The following PTPRZ1 variants were observed in gnomAD, a reference collection of about 807,000 sequenced individuals.
The protein encoded by PTPRZ1 is receptor-type tyrosine-protein phosphatase zeta.
A neutral mutation model predicts 214.1 loss-of-function variants in PTPRZ1; 82 were observed. That is an observed-to-expected ratio of 0.38 (90% CI 0.32 to 0.46). The LOEUF is 0.46. Among genes scored for constraint, PTPRZ1 ranks in the 20% least tolerant of loss-of-function variants. The probability of loss-of-function intolerance (pLI) is 1.00; values close to 1 mark genes in which losing one functional copy is unlikely to be tolerated. For synonymous variants in PTPRZ1, 945 were observed against 987.9 expected (o/e 0.96, Z 0.81); for missense variants, 2,603 against 2,748.7 (o/e 0.95, Z 1.19).
chr7:121,881,385 A>T (rs543975268), intron 1 of PTPRZ1, among the ~76,000 whole-genome samples: 1 of 152,340 alleles, frequency 6.6e-6, no homozygotes, highest in South Asian at 2.1e-4. Context: ...AGACTTTTAA[A>T]TCATACTGAT....
chr7:121,993,336 G>C (rs1166999211), intron 8 of PTPRZ1, among the ~76,000 whole-genome samples: 1 of 151,750 alleles, frequency 6.6e-6, no homozygotes, highest in African/African-American at 2.4e-5. Flanking sequence ...AGGATCACGA[G>C]GTCAGGAGAT....
At chr7:121,918,061 A>G (rs896095037) in intron 1 of PTPRZ1, among the ~76,000 whole-genome samples, 1 of 152,090 alleles carries the variant, frequency 6.6e-6, no homozygotes, top group African/African-American at 2.4e-5. Flanking sequence ...AAAAAAAAAA[A>G]GGAATTCATG....
chr7:121,934,869 G>A (rs4727937), intron 2 of PTPRZ1, among the ~76,000 whole-genome samples: 29,603 of 152,076 alleles, frequency 0.19, 3,057 homozygotes, highest in Admixed American at 0.24. Flanking sequence ...GCCTCGTTGT[G>A]GAGGCTGAAC....
chr7:121,916,429 G>A (rs1006384499), intron 1 of PTPRZ1, among the ~76,000 whole-genome samples: 1 of 152,164 alleles, frequency 6.6e-6, no homozygotes, highest in African/African-American at 2.4e-5. Context: ...ACATTAACTT[G>A]TTCAGTCTCT....
chr7:121,947,010 TA>T (rs1311414299), intron 2 of PTPRZ1, among the ~76,000 whole-genome samples: 3 of 152,158 alleles, frequency 2.0e-5, no homozygotes, highest in Admixed American at 2.0e-4. Flanking sequence ...AATGGAAACT[TA>T]TTCCCTAAAG....
chr7:122,010,863 G>T lies in PTPRZ1; in HGVS notation c.1817G>T (p.Gly606Val). ...IPFISENISQ[G>V]YIFSSENPET... Reference sequence around the variant, plus strand: ...TTCATCTCTGAGAACATATCCCAAGGGTATATATTTTCCTCCGAAAACCCA... The same window carrying T: ...TTCATCTCTGAGAACATATCCCAAGTGTATATATTTTCCTCCGAAAACCCA... Residue 606 changes from glycine to valine, a missense_variant, in exon 12 of 30, where the codon GGG becomes GTG. Gly to Val is a moderately radical substitution (Grantham distance 109). Around this residue, in one of 6 missense-constraint regions of PTPRZ1, gnomAD observed 1,913 missense variants for 1,914.3 expected, o/e 1.00. Transcript: ENST00000393386. The T allele has an allele frequency of 1.2e-6, 2 of 1,613,836 alleles. No individual in the cohort carries two copies. The highest frequency in any genetic ancestry group is 1.7e-6 in the Non-Finnish European group (2 of 1,179,954).
intron 6 of PTPRZ1, among the ~76,000 whole-genome samples, chr7:121,979,767 T>C (rs1797546912): frequency 6.6e-6 from 1 of 152,214 alleles, no homozygotes; most frequent in Admixed American, 6.5e-5. Context: ...TTCTCTCTTG[T>C]GTTAACAATA....
intron 2 of PTPRZ1, among the ~76,000 whole-genome samples, chr7:121,935,539 GT>G (rs67756016): frequency 7.6e-5 from 9 of 118,622 alleles, no homozygotes; most frequent in Middle Eastern, 3.9e-3. Flanking sequence ...GTTTTTTGGG[GT>G]TTTTTTTGTT....
rs147762028 is a variant in PTPRZ1, at chr7:122,031,482, G to A, written c.5089G>A (p.Gly1697Arg). ...TTTTTTTATTCACGTAGATGATGTCGGAGCAATTCCAATAAAGCACTTTCC... is the reference window on the plus strand; with the variant it reads ...TTTTTTTATTCACGTAGATGATGTCAGAGCAATTCCAATAAAGCACTTTCC... Reference protein sequence around the residue: ...TPIFPISDDVGAIPIKHFPKH... With the variant: ...TPIFPISDDVRAIPIKHFPKH... Residue 1697 changes from glycine to arginine, a missense_variant, in exon 15 of 30, where the codon GGA (glycine) becomes AGA (arginine). Physicochemically the swap from Gly to Arg is moderately radical, Grantham distance 125. Around this residue, in one of 6 missense-constraint regions of PTPRZ1, gnomAD observed 1,913 missense variants for 1,914.3 expected, o/e 1.00. Coordinates refer to ENST00000393386, the MANE Select transcript of PTPRZ1 (RefSeq NM_002851.3). 132 of 1,610,006 alleles carry A rather than the reference G, an allele frequency of 8.2e-5. 1 individual carries two copies. The highest frequency in any genetic ancestry group is 5.1e-4 in the East Asian group (23 of 44,668).
chr7:121,924,456 G>A (rs1221490076), intron 1 of PTPRZ1, among the ~76,000 whole-genome samples: 10 of 151,994 alleles, frequency 6.6e-5, no homozygotes, highest in Non-Finnish European at 1.2e-4. Context: ...AATGTGTAAC[G>A]GATTGTTTGA....
At chr7:121,875,531 G>A (rs946021175) in intron 1 of PTPRZ1, among the ~76,000 whole-genome samples, 1 of 152,198 alleles carries the variant, frequency 6.6e-6, no homozygotes, top group Admixed American at 6.5e-5. Flanking sequence ...TAAGTCTTTG[G>A]TGATGTAAAA....
chr7:121,984,534 A>G (rs1263185705), intron 8 of PTPRZ1, among the ~76,000 whole-genome samples: 1 of 152,094 alleles, frequency 6.6e-6, no homozygotes, highest in Non-Finnish European at 1.5e-5. Flanking sequence ...TAATAAGGAA[A>G]ACTTTATGGG....
intron 2 of PTPRZ1, among the ~76,000 whole-genome samples, chr7:121,958,586 C>T (rs1202391513): frequency 1.3e-5 from 2 of 152,286 alleles, no homozygotes; most frequent in East Asian, 3.9e-4. Context: ...ACCAGTGCCT[C>T]CCAGACCCAT....
At chr7:122,037,583 C>T (rs1298677731) in intron 18 of PTPRZ1, among the ~76,000 whole-genome samples, 1 of 152,170 alleles carries the variant, frequency 6.6e-6, no homozygotes, top group Non-Finnish European at 1.5e-5. Flanking sequence ...ACCTCTCAGT[C>T]TAGCTGGCTT....
rs147239889 is a variant in PTPRZ1 at position 122,043,736 on chromosome 7, C to T, written c.5938-686C>T. On this transcript the variant is annotated intron_variant, in intron 22 of 29. Transcript: ENST00000393386. ...CACATGGAGACATAGAGGGGAACAACACACACTGGGGCCTTTCAGAGGGTG... is the reference window on the plus strand; with the variant it reads ...CACATGGAGACATAGAGGGGAACAATACACACTGGGGCCTTTCAGAGGGTG... Among the ~76,000 whole-genome samples, 108 of 152,202 alleles carry T rather than the reference C, an allele frequency of 7.1e-4. 1 individual carries two copies. The East Asian group carries it at 0.019, about 27-fold the overall frequency.
chr7:121,898,935 G>A (rs1456824480), intron 1 of PTPRZ1, among the ~76,000 whole-genome samples: 1 of 152,044 alleles, frequency 6.6e-6, no homozygotes, highest in Non-Finnish European at 1.5e-5. Context: ...GATATGAGAT[G>A]AGACTACAGA....
intron 1 of PTPRZ1, among the ~76,000 whole-genome samples, chr7:121,897,950 A>G (rs9641678): frequency 0.17 from 25,835 of 152,136 alleles, 2,478 homozygotes; most frequent in East Asian, 0.29. Flanking sequence ...TTATATCATA[A>G]TGGATCCGTT....
At chr7:121,987,382 C>A (rs1439445862) in intron 8 of PTPRZ1, among the ~76,000 whole-genome samples, 2 of 152,114 alleles carry the variant, frequency 1.3e-5, no homozygotes, top group Non-Finnish European at 2.9e-5. Flanking sequence ...TCAAAAAAGG[C>A]CCTTTTTGGT....
At position 122,019,143 on chromosome 7, in the gene PTPRZ1, T is replaced by A; in HGVS notation, c.4863T>A (p.His1621Gln). ...CTACAGAGGCCAGTAATAGTAGCCA[T>A]GAGTCTCGTATTGGTCTAGCTGAGG... Reference protein sequence around the residue: ...VSEAEASNSSHESRIGLAEGL... With the variant: ...VSEAEASNSSQESRIGLAEGL... Residue 1621 changes from histidine to glutamine, a missense_variant, in exon 13 of 30, where the codon CAT becomes CAA. His to Gln is a conservative substitution (Grantham distance 24). Coordinates refer to ENST00000393386, the MANE Select transcript of PTPRZ1 (RefSeq NM_002851.3). The A allele has an allele frequency of 6.2e-7, 1 of 1,611,892 alleles. No homozygotes were observed.
Sources: allele counts gnomAD v4.1 joint callset (sites outside exome capture counted in the v4.1 genomes callset), GRCh38; gene constraint gnomAD v4.1.1; regional missense constraint gnomAD v4.1.1; transcripts MANE v1.5; gene names NCBI Gene and HGNC (gene_info 2026-07-23, HGNC 2026-07-21).